Variants in ATOSA observed in about 807,000 individuals in gnomAD.
ATOSA encodes the protein atos homolog protein A.
chr15:52,587,248 C>A, the ATOSA span: 18 of 1,581,900 alleles, frequency 1.1e-5, no homozygotes, highest in Admixed American at 1.8e-5. Flanking sequence ...AAATTGAGTA[C>A]AAACTGATGC....
At chr15:52,681,366 A>C in the ATOSA span, among the ~76,000 whole-genome samples, 1 of 152,236 alleles carries the variant, frequency 6.6e-6, no homozygotes, top group Non-Finnish European at 1.5e-5. Context: ...AGATAGGGTC[A>C]CTACTTTCAA....
the ATOSA span, among the ~76,000 whole-genome samples, chr15:52,601,849 T>C: frequency 3.3e-5 from 5 of 152,226 alleles, no homozygotes; most frequent in African/African-American, 1.2e-4. Context: ...GTCTAATTAG[T>C]GACTGAAGAA....
the ATOSA span, among the ~76,000 whole-genome samples, chr15:52,617,744 A>C: frequency 2.1e-5 from 3 of 141,828 alleles, no homozygotes; most frequent in African/African-American, 5.4e-5. Context: ...TGAATAAATA[A>C]ATTTTATTTA....
At chr15:52,594,530 T>C in the ATOSA span, among the ~76,000 whole-genome samples, 1 of 152,236 alleles carries the variant, frequency 6.6e-6, no homozygotes, top group East Asian at 1.9e-4. Flanking sequence ...CAAAGCCTCA[T>C]GATTCTAAAA....
chr15:52,641,954 C>A, the ATOSA span, among the ~76,000 whole-genome samples: 1 of 152,182 alleles, frequency 6.6e-6, no homozygotes, highest in Non-Finnish European at 1.5e-5. Flanking sequence ...TAACTTCAGG[C>A]AGCCAAGTAT....
At chr15:52,586,967 T>C in the ATOSA span, 1 of 1,246,364 alleles carries the variant, frequency 8.0e-7, no homozygotes, top group Non-Finnish European at 1.1e-6. Context: ...AGCTTATTAA[T>C]GCTTTCCTTT....
chr15:52,646,783 G>A, the ATOSA span, among the ~76,000 whole-genome samples: 1 of 152,084 alleles, frequency 6.6e-6, no homozygotes, highest in Non-Finnish European at 1.5e-5. Flanking sequence ...TTAACCTAAG[G>A]TAATTTATGA....
the ATOSA span, among the ~76,000 whole-genome samples, chr15:52,637,732 T>C: frequency 2.0e-5 from 3 of 152,210 alleles, no homozygotes; most frequent in East Asian, 1.9e-4. Flanking sequence ...TTACATTTTT[T>C]AAAGCAGTTT....
the ATOSA span, among the ~76,000 whole-genome samples, chr15:52,695,883 A>G: frequency 1.3e-5 from 2 of 152,184 alleles, no homozygotes; most frequent in Non-Finnish European, 2.9e-5. Flanking sequence ...AGTCAGCACA[A>G]AGGCTCAAGG....
chr15:52,677,963 G>A, the ATOSA span: 3 of 1,613,516 alleles, frequency 1.9e-6, no homozygotes, highest in Non-Finnish European at 2.5e-6. Flanking sequence ...GCATAGAAAA[G>A]AAGGGGGTGG....
chr15:52,595,561 C>T, the ATOSA span, among the ~76,000 whole-genome samples: 57 of 148,082 alleles, frequency 3.8e-4, no homozygotes, highest in African/African-American at 1.2e-3. Flanking sequence ...AAAAAAGGCA[C>T]GAAAATAAAA....
the ATOSA span, among the ~76,000 whole-genome samples, chr15:52,708,537 T>C: frequency 6.6e-6 from 1 of 152,212 alleles, no homozygotes; most frequent in Non-Finnish European, 1.5e-5. Flanking sequence ...AGGCACTCTC[T>C]ATTGCCTTGT....
At chr15:52,685,247 C>CT in the ATOSA span, among the ~76,000 whole-genome samples, 3 of 152,042 alleles carry the variant, frequency 2.0e-5, no homozygotes, top group African/African-American at 7.2e-5. Context: ...CTAATCTTTT[C>CT]TTTTTTTGTT....
chr15:52,590,827 AT>A, the ATOSA span: 1 of 152,250 alleles, frequency 6.6e-6, no homozygotes, highest in Non-Finnish European at 1.5e-5. Flanking sequence ...AAATGTTCTA[AT>A]TTTTTCATAG....
the ATOSA span, among the ~76,000 whole-genome samples, chr15:52,664,958 T>A: frequency 7.0e-5 from 10 of 143,242 alleles, no homozygotes; most frequent in Middle Eastern, 7.1e-3. Context: ...GGTGGGGGGG[T>A]GCAGGGGAAG....
the ATOSA span, among the ~76,000 whole-genome samples, chr15:52,607,410 G>A: frequency 2.0e-5 from 3 of 152,308 alleles, no homozygotes; most frequent in East Asian, 5.8e-4. Flanking sequence ...GGCAACAGGA[G>A]GAATTAATTC....
At chr15:52,652,655 AG>A in the ATOSA span, among the ~76,000 whole-genome samples, 1 of 152,348 alleles carries the variant, frequency 6.6e-6, no homozygotes, top group East Asian at 1.9e-4. Flanking sequence ...CAGACTGACT[AG>A]AAAAAGATTC....
At chr15:52,671,747 T>G in the ATOSA span, among the ~76,000 whole-genome samples, 3 of 151,608 alleles carry the variant, frequency 2.0e-5, no homozygotes, top group Admixed American at 6.6e-5. Flanking sequence ...ACGGTTAAGT[T>G]CTATAACAAA....
chr15:52,644,023 A>G, the ATOSA span, among the ~76,000 whole-genome samples: 1 of 152,126 alleles, frequency 6.6e-6, no homozygotes, highest in Non-Finnish European at 1.5e-5. Context: ...AAATCTTTAT[A>G]AAGTTCCTGA....
Sources: allele counts gnomAD v4.1 joint callset (sites outside exome capture counted in the v4.1 genomes callset), GRCh38; gene constraint gnomAD v4.1.1; transcripts MANE v1.5; gene names NCBI Gene and HGNC (gene_info 2026-07-23, HGNC 2026-07-21).